Variants in BABAM2 observed in about 807,000 individuals in gnomAD.
BABAM2 encodes BRISC and BRCA1-A complex member 2.
A neutral mutation model predicts 54.7 loss-of-function variants in BABAM2; 31 were observed. The ratio of observed to expected loss-of-function variants is 0.57; its 90% CI spans 0.43 to 0.77. BABAM2 has a LOEUF of 0.77. Ranked by LOEUF, BABAM2 falls within the 30% of genes least tolerant of loss-of-function variation. The probability of loss-of-function intolerance (pLI) is 0.00; values close to 1 mark genes in which losing one functional copy is unlikely to be tolerated. For missense variants in BABAM2, 364 were observed against 455.8 expected, an observed-to-expected ratio of 0.80 and a Z score of 1.83; for synonymous variants, 167 against 162.9, an observed-to-expected ratio of 1.03 and a Z score of -0.19.
rs1489546527 is a variant in BABAM2 at position 28,218,802 on chromosome 2, G to A, written c.681-18400G>A. 3.9e-5 allele frequency among the ~76,000 whole-genome samples: 6 copies of A among 152,036 alleles called. No individual in the cohort carries two copies. The East Asian group carries it at 5.8e-4, about 15-fold the overall frequency. On this transcript the variant is annotated intron_variant, in intron 7 of 11. Coordinates refer to ENST00000379624, the MANE Select transcript of BABAM2 (RefSeq NM_199191.3). Reference sequence around the variant, plus strand: ...TCTTCAGCTGCATCTTTCTTACTACGTTTATTAGTTGGCTTTCTACTGTAA... The same window carrying A: ...TCTTCAGCTGCATCTTTCTTACTACATTTATTAGTTGGCTTTCTACTGTAA...
chr2:28,114,677 T>C (rs926325775), intron 6 of BABAM2, among the ~76,000 whole-genome samples: 9 of 152,242 alleles, frequency 5.9e-5, no homozygotes, highest in African/African-American at 2.2e-4. Flanking sequence ...AGAAGTTTAT[T>C]GGCTCTAGTT....
At chr2:28,281,780 G>A (rs890557550) in intron 10 of BABAM2, among the ~76,000 whole-genome samples, 3 of 152,224 alleles carry the variant, frequency 2.0e-5, no homozygotes, top group African/African-American at 7.2e-5. Flanking sequence ...GTGTTCCTGA[G>A]TTTCAGCGTT....
At chr2:28,097,796 G>A (rs1344495594) in intron 6 of BABAM2, among the ~76,000 whole-genome samples, 1 of 152,128 alleles carries the variant, frequency 6.6e-6, no homozygotes, top group Non-Finnish European at 1.5e-5. Context: ...CTGCACGTAT[G>A]GTGTGAGCTT....
intron 11 of BABAM2, chr2:28,327,336 CA>C: frequency 1.9e-6 from 3 of 1,613,902 alleles, no homozygotes; most frequent in South Asian, 2.2e-5. Context: ...TTTGCAGTTG[CA>C]AAAACTGGCT....
chr2:28,071,938 A>C (rs1196770094), intron 6 of BABAM2, among the ~76,000 whole-genome samples: 2 of 152,200 alleles, frequency 1.3e-5, no homozygotes, highest in Non-Finnish European at 2.9e-5. Flanking sequence ...AGTCTTTGAT[A>C]TCTGCTGTGC....
chr2:27,951,827 T>G (rs1310375854), intron 3 of BABAM2, among the ~76,000 whole-genome samples: 2 of 152,220 alleles, frequency 1.3e-5, no homozygotes, highest in African/African-American at 4.8e-5. Flanking sequence ...CGCTGCACCC[T>G]ATTTGTAGTC....
In BABAM2 at chr2:28,056,523, T is replaced by C. The variant is rs1388355932; in HGVS notation, c.570+10724T>C. On this transcript the variant is annotated intron_variant, in intron 6 of 11. Coordinates refer to ENST00000379624, the MANE Select transcript of BABAM2 (RefSeq NM_199191.3). ...TTTTTTCAAAATTTCTATTTTAGAA[T>C]GTAGGTGTATCTCAAATGATTATCA... is the stretch of plus-strand genomic sequence containing the variant. 3.9e-5 allele frequency among the ~76,000 whole-genome samples: 6 copies of C among 152,342 alleles called. No individual in the cohort carries two copies. The East Asian group carries it at 1.2e-3, about 29-fold the overall frequency.
intron 5 of BABAM2, among the ~76,000 whole-genome samples, chr2:28,026,963 TATATATAA>T (rs70953899): frequency 0.036 from 2,636 of 73,990 alleles, 261 homozygotes; most frequent in African/African-American, 0.12. Context: ...TATATAAATA[TATATATAA>T]ATATATAAAT....
chr2:28,308,236 G>A, intron 11 of BABAM2: 1 of 337,194 alleles, frequency 3.0e-6, no homozygotes, highest in Non-Finnish European at 5.8e-6. Flanking sequence ...GGCCAGGAAG[G>A]CAGTGCTTAA....
chr2:27,902,933 G>C (rs900009404), intron 2 of BABAM2, among the ~76,000 whole-genome samples: 3 of 151,934 alleles, frequency 2.0e-5, no homozygotes, highest in Non-Finnish European at 4.4e-5. Context: ...GTGAGAGAGA[G>C]AGAGAGAGAG....
In BABAM2 at chr2:28,025,155, T is replaced by C. The variant is rs532046438; in HGVS notation, c.301-71T>C. The C allele has an allele frequency of 3.0e-6, 4 of 1,351,966 alleles. No homozygotes were observed. In the African/African-American group the frequency reaches 5.9e-5, roughly 20 times the overall value. 83.7% of individuals were successfully genotyped at this position (1,351,966 alleles called of 1,614,324 possible). ...ATTACTCTTTTCCTCTACATTGATG[T>C]GTGAATGTGATACTGGATTTGTATG... is the stretch of plus-strand genomic sequence containing the variant. On this transcript the variant is annotated intron_variant, in intron 4 of 11. Coordinates refer to ENST00000379624, the MANE Select transcript of BABAM2 (RefSeq NM_199191.3).
chr2:27,956,741 G>A lies in BABAM2; in HGVS notation c.205+26833G>A, dbSNP rs907351930. ...TTATGAAGGTTATATAGAGCAGGTT[G>A]ACATACATATTTAGAAAGAACTCAG... On this transcript the variant is annotated intron_variant, in intron 3 of 11. Coordinates refer to ENST00000379624, the MANE Select transcript of BABAM2 (RefSeq NM_199191.3). 5.3e-5 allele frequency among the ~76,000 whole-genome samples: 8 copies of A among 152,244 alleles called. No individual in the cohort carries two copies. The South Asian group carries it at 1.7e-3, about 32-fold the overall frequency.
chr2:28,180,003 A>C lies in BABAM2; in HGVS notation c.680+50623A>C, dbSNP rs187744743. ...AATTGAAAAACAGCCTACCCTCATG[A>C]ATCAAAAGAATTAATATTGTTAAAA... On this transcript the variant is annotated intron_variant, in intron 7 of 11. Coordinates refer to ENST00000379624, the MANE Select transcript of BABAM2 (RefSeq NM_199191.3). 1.8e-4 allele frequency among the ~76,000 whole-genome samples: 28 copies of C among 152,254 alleles called. No homozygotes were observed. The East Asian group carries it at 4.2e-3, about 23-fold the overall frequency.
intron 6 of BABAM2, among the ~76,000 whole-genome samples, chr2:28,113,403 G>A (rs1668316237): frequency 6.6e-6 from 1 of 152,140 alleles, no homozygotes. Context: ...CTATGCAATA[G>A]GGAATCTTTT....
At chr2:28,110,121 T>C (rs1667870931) in intron 6 of BABAM2, among the ~76,000 whole-genome samples, 1 of 152,224 alleles carries the variant, frequency 6.6e-6, no homozygotes, top group Admixed American at 6.5e-5. Context: ...TGTGCAGTAC[T>C]GTTTGTCTTT....
At chr2:28,141,235 C>T (rs1041265130) in intron 7 of BABAM2, among the ~76,000 whole-genome samples, 7 of 152,062 alleles carry the variant, frequency 4.6e-5, no homozygotes, top group African/African-American at 1.7e-4. Flanking sequence ...TACACACACA[C>T]AGAGCATTTA....
At position 28,129,354 on chromosome 2, in the gene BABAM2, G is replaced by A; in HGVS notation, c.654G>A (p.Lys218=). ...EDTEATQVYP[K]LYLSPRIEHA... is the part of the protein sequence containing the mutation. Reference sequence around the variant, plus strand: ...CTGAAGCCACCCAGGTGTACCCCAAGCTGTACTTGTCACCTCGAATTGAGC... The same window carrying A: ...CTGAAGCCACCCAGGTGTACCCCAAACTGTACTTGTCACCTCGAATTGAGC... The change falls in exon 7 of 12, where the codon AAG becomes AAA. Residue 218 remains lysine (K), a synonymous_variant. Transcript: ENST00000379624. 2 of 1,614,082 alleles carry A rather than the reference G, an allele frequency of 1.2e-6. No individual in the cohort carries two copies. Among genetic ancestry groups the A allele is most frequent in the South Asian group, 1.1e-5 (1 of 91,080 alleles).
chr2:28,070,633 T>C, intron 6 of BABAM2, among the ~76,000 whole-genome samples: 1 of 151,402 alleles, frequency 6.6e-6, no homozygotes. Context: ...CACTGCAAGC[T>C]CCGCCTCCCG....
chr2:28,021,137 C>G (rs553058047), intron 4 of BABAM2, among the ~76,000 whole-genome samples: 2 of 152,284 alleles, frequency 1.3e-5, no homozygotes, highest in African/African-American at 4.8e-5. Flanking sequence ...ACTTTCTTCT[C>G]TTGTGGGAAA....
Sources: allele counts gnomAD v4.1 joint callset (sites outside exome capture counted in the v4.1 genomes callset), GRCh38; gene constraint gnomAD v4.1.1; transcripts MANE v1.5; gene names NCBI Gene and HGNC (gene_info 2026-07-23, HGNC 2026-07-21).